Variants in ANO10 observed in about 807,000 individuals in gnomAD.
ANO10 encodes the protein anoctamin-10.
A neutral mutation model predicts 74.7 loss-of-function variants in ANO10; 77 were observed. The observed-to-expected ratio is 1.03, with a 90% CI of 0.86 to 1.25. The LOEUF is 1.25. Among genes scored for constraint, ANO10 ranks in the 50% most tolerant of loss-of-function variants. ANO10 has a pLI of 0.00. For missense variants in ANO10, 721 were observed against 778.1 expected (o/e 0.93, Z 0.87); for synonymous variants, 279 against 284.9 (o/e 0.98, Z 0.21).
chr3:43,585,926 G>T (rs2081462165), intron 4 of ANO10, among the ~76,000 whole-genome samples: 4 of 152,026 alleles, frequency 2.6e-5, no homozygotes. Context: ...AAAACAAAAG[G>T]AAACAAGAAA....
At chr3:43,417,465 G>C (rs551922452) in intron 12 of ANO10, among the ~76,000 whole-genome samples, 1 of 152,080 alleles carries the variant, frequency 6.6e-6, no homozygotes, top group African/African-American at 2.4e-5. Flanking sequence ...TACAAAGTCC[G>C]GCGCATCCAC....
chr3:43,551,251 G>C (rs2079442657), intron 10 of ANO10, among the ~76,000 whole-genome samples: 1 of 152,176 alleles, frequency 6.6e-6, no homozygotes, highest in South Asian at 2.1e-4. Flanking sequence ...ACATGCATTT[G>C]TAATTTTGAT....
At chr3:43,642,066 C>T (rs2083675378) in intron 1 of ANO10, among the ~76,000 whole-genome samples, 1 of 152,112 alleles carries the variant, frequency 6.6e-6, no homozygotes, top group Admixed American at 6.5e-5. Flanking sequence ...AATGATATTT[C>T]GATGCCAAGA....
chr3:43,688,202 C>G (rs981531054), intron 1 of ANO10, among the ~76,000 whole-genome samples: 1 of 152,116 alleles, frequency 6.6e-6, no homozygotes, highest in South Asian at 2.1e-4. Flanking sequence ...CAGGCACAGG[C>G]ATCTTTGAGA....
At chr3:43,625,591 A>G (rs1051295916), upstream of ANO10, among the ~76,000 whole-genome samples, 1 of 152,088 alleles carries the variant, frequency 6.6e-6, no homozygotes, top group Non-Finnish European at 1.5e-5. Context: ...TTTAAGTCGT[A>G]TTTTTCTTAT....
intron 11 of ANO10, among the ~76,000 whole-genome samples, chr3:43,463,618 C>G (rs752852751): frequency 2.0e-5 from 3 of 152,182 alleles, no homozygotes; most frequent in Non-Finnish European, 4.4e-5. Context: ...TTTGGAATGG[C>G]TGTATTTACC....
chr3:43,421,141 TGAACCCAGGAGGTGGAAGTTGCAGG>T (rs1327436494), intron 12 of ANO10, among the ~76,000 whole-genome samples: 1 of 152,062 alleles, frequency 6.6e-6, no homozygotes, highest in African/African-American at 2.4e-5. Context: ...GAGAATTGCT[TGAACCCAGGAGGTGGAAGTTGCAGG>T]GAACCCAGAT....
At chr3:43,466,291 A>G (rs956040813) in intron 11 of ANO10, among the ~76,000 whole-genome samples, 2 of 150,366 alleles carry the variant, frequency 1.3e-5, no homozygotes, top group Non-Finnish European at 3.0e-5. Context: ...GAATCGCTTG[A>G]ACCCGGGAGG....
intron 1 of ANO10, among the ~76,000 whole-genome samples, chr3:43,661,720 A>G (rs116274274): frequency 0.11 from 16,142 of 152,142 alleles, 1,222 homozygotes; most frequent in South Asian, 0.23. Flanking sequence ...GATCTACCAA[A>G]CAAATGGAAA....
chr3:43,428,796 C>CAAAAAAAAAAAAAAAAAAAA lies in ANO10; in HGVS notation c.1914+3795_1914+3814dup, dbSNP rs56213626. ...CCAAAATCCTGAAACTTTGTGAATG[C>CAAAAAAAAAAAAAAAAAAAA]AAAAAAAAAAAAAAAAAAAAAAGTC... On this transcript the variant is annotated intron_variant, in intron 12 of 12. Coordinates refer to ENST00000292246, the MANE Select transcript of ANO10 (RefSeq NM_018075.5). 1.1e-4 allele frequency among the ~76,000 whole-genome samples: 6 copies of CAAAAAAAAAAAAAAAAAAAA among 55,442 alleles called. 2 individuals carry two copies. Among genetic ancestry groups the CAAAAAAAAAAAAAAAAAAAA allele is most frequent in the Non-Finnish European group, 1.6e-4 (5 of 31,072 alleles). 36.4% of individuals were successfully genotyped at this position (55,442 alleles called of 152,430 possible). A position where few individuals can be genotyped will look rare whatever the true frequency, so the allele number is the denominator to read the frequency against.
At chr3:43,512,898 T>C (rs747677177) in intron 11 of ANO10, among the ~76,000 whole-genome samples, 5 of 152,178 alleles carry the variant, frequency 3.3e-5, no homozygotes, top group Non-Finnish European at 7.3e-5. Flanking sequence ...CTACAGCTGC[T>C]ACTTACTGCC....
intron 1 of ANO10, among the ~76,000 whole-genome samples, chr3:43,630,924 T>C (rs2083539464): frequency 6.6e-6 from 1 of 152,130 alleles, no homozygotes; most frequent in African/African-American, 2.4e-5. Flanking sequence ...TGCTACCAGC[T>C]CGTGTTTGAT....
chr3:43,419,446 T>C (rs981384008), intron 12 of ANO10, among the ~76,000 whole-genome samples: 7 of 152,184 alleles, frequency 4.6e-5, no homozygotes, highest in East Asian at 1.9e-4. Context: ...AACTCTAACA[T>C]TGGACAATTA....
rs1002139529 is a variant in ANO10, at chr3:43,599,773, G to A, written c.337+611C>T. 7.2e-5 allele frequency among the ~76,000 whole-genome samples: 11 copies of A among 152,018 alleles called. No homozygotes were observed. The South Asian group carries it at 1.9e-3, about 26-fold the overall frequency. ...ACAAAAAAATTAGCCAGGTGTGGTG[G>A]CGGGCGCCTGTAGTCCCAGCTCCTT... On this transcript the variant is annotated intron_variant, in intron 3 of 12. Transcript: ENST00000292246.
chr3:43,593,869 T>A (rs1029787733), intron 4 of ANO10, among the ~76,000 whole-genome samples: 5 of 152,080 alleles, frequency 3.3e-5, no homozygotes, highest in Non-Finnish European at 7.4e-5. Flanking sequence ...GAGACCCATC[T>A]CACATGCAGA....
chr3:43,431,789 C>T (rs544986492), intron 12 of ANO10, among the ~76,000 whole-genome samples: 6 of 152,200 alleles, frequency 3.9e-5, no homozygotes, highest in Admixed American at 3.9e-4. Flanking sequence ...CTGTCCGGCG[C>T]ACTACCCTTG....
intron 7 of ANO10, among the ~76,000 whole-genome samples, chr3:43,566,193 G>C (rs1228423634): frequency 6.6e-6 from 1 of 152,202 alleles, no homozygotes; most frequent in Non-Finnish European, 1.5e-5. Flanking sequence ...CTACGCCCAC[G>C]GAGTCTCGCT....
At chr3:43,579,812 G>T (rs570365358) in intron 5 of ANO10, among the ~76,000 whole-genome samples, 1 of 152,270 alleles carries the variant, frequency 6.6e-6, no homozygotes, top group Non-Finnish European at 1.5e-5. Context: ...TGTGTTGTTG[G>T]TGAAGGGTAG....
At chr3:43,634,115 G>A (rs145505662) in intron 1 of ANO10, among the ~76,000 whole-genome samples, 3,654 of 151,972 alleles carry the variant, frequency 0.024, 97 homozygotes, top group Non-Finnish European at 0.034. Flanking sequence ...CAGAAGATGG[G>A]CAGACACACA....
Sources: allele counts gnomAD v4.1 joint callset (sites outside exome capture counted in the v4.1 genomes callset), GRCh38; gene constraint gnomAD v4.1.1; transcripts MANE v1.5; gene names NCBI Gene and HGNC (gene_info 2026-07-23, HGNC 2026-07-21).